KCTD1: variants seen among roughly 807,000 people sequenced by gnomAD.
The protein encoded by KCTD1 is potassium channel tetramerization domain containing 1.
Under a neutral mutation model 66.0 loss-of-function variants are expected in KCTD1, and 24 were observed. The ratio of observed to expected loss-of-function variants is 0.36; its 90% confidence interval spans 0.26 to 0.51. The LOEUF (loss-of-function observed/expected upper bound fraction) is 0.51. Among genes scored for constraint, KCTD1 ranks in the 20% least tolerant of loss-of-function variants. KCTD1 has a pLI of 0.95. For missense variants in KCTD1, 943 were observed against 1,205.2 expected, an observed-to-expected ratio of 0.78 and a Z score of 3.22; for synonymous variants, 511 against 517.2, an observed-to-expected ratio of 0.99 and a Z score of 0.16.
intron 1 of KCTD1, among the ~76,000 whole-genome samples, chr18:26,539,172 G>A (rs72887315): frequency 2.6e-5 from 4 of 152,314 alleles, no homozygotes; most frequent in Non-Finnish European, 4.4e-5. Context: ...AATCTGACAG[G>A]CTGGGTTCAA....
At chr18:26,550,014 G>A (rs1178802475), upstream of KCTD1, among the ~76,000 whole-genome samples, 1 of 151,956 alleles carries the variant, frequency 6.6e-6, no homozygotes, top group Non-Finnish European at 1.5e-5. This position sits in a 1 kb window ranked among gnomAD's most constrained non-coding sequence, Gnocchi z 5.4. Context: ...GCCACTCTCG[G>A]AGCTCGTGCT....
intron 1 of KCTD1, among the ~76,000 whole-genome samples, chr18:26,592,597 C>T (rs1986633912): frequency 6.6e-6 from 1 of 152,210 alleles, no homozygotes; most frequent in Non-Finnish European, 1.5e-5. Flanking sequence ...AACATGAGCC[C>T]TATATGTTCT....
chr18:26,522,588 A>G (rs1033595479), intron 1 of KCTD1, among the ~76,000 whole-genome samples: 1 of 152,168 alleles, frequency 6.6e-6, no homozygotes, highest in African/African-American at 2.4e-5. Context: ...CTCCAGCTAC[A>G]TAGGATTAGA....
intron 1 of KCTD1, among the ~76,000 whole-genome samples, chr18:26,594,641 C>T (rs9966175): frequency 0.04 from 6,094 of 151,566 alleles, 250 homozygotes; most frequent in African/African-American, 0.11. Context: ...TGATGGCTAA[C>T]TTTATGTCAA....
intron 2 of KCTD1, among the ~76,000 whole-genome samples, chr18:26,490,804 G>A (rs1355620873): frequency 6.6e-6 from 1 of 152,078 alleles, no homozygotes; most frequent in Non-Finnish European, 1.5e-5. Context: ...AGGGTCTGAA[G>A]TACAGTAGTG....
intron 1 of KCTD1, among the ~76,000 whole-genome samples, chr18:26,648,940 T>C (rs1987978083): frequency 6.6e-6 from 1 of 152,186 alleles, no homozygotes; most frequent in African/African-American, 2.4e-5. Context: ...TGAAAAACAG[T>C]CTGGCACTTA....
chr18:26,654,304 G>A lies in KCTD1; in HGVS notation c.9+3056C>T, dbSNP rs8089102. On this transcript the variant is annotated intron_variant, in intron 1 of 4. Coordinates refer to the KCTD1 transcript ENST00000580191. ...TTATTCAACGCAAATCGAATAATAC[G>A]CTTTCATCATCATCTAGTTGAAGTC... Among the ~76,000 whole-genome samples, 1,352 of 152,082 alleles carry A rather than the reference G, an allele frequency of 8.9e-3. 19 individuals are homozygous for A. The highest frequency in any genetic ancestry group is 0.031 in the African/African-American group (1,265 of 41,468).
At chr18:26,650,086 A>G (rs1244003480) in intron 1 of KCTD1, among the ~76,000 whole-genome samples, 1 of 152,180 alleles carries the variant, frequency 6.6e-6, no homozygotes, top group Non-Finnish European at 1.5e-5. Flanking sequence ...CACATGAGTA[A>G]TCAAAAGGCA....
intron 1 of KCTD1, among the ~76,000 whole-genome samples, chr18:26,514,549 CAAAA>C (rs200444964): frequency 1.2e-3 from 149 of 121,820 alleles, no homozygotes; most frequent in East Asian, 0.01. Context: ...GACCTTGTCT[CAAAA>C]AAAAAAAAAA....
chr18:26,496,184 G>T (rs1416943543), intron 2 of KCTD1, among the ~76,000 whole-genome samples: 1 of 152,166 alleles, frequency 6.6e-6, no homozygotes, highest in East Asian at 1.9e-4. Flanking sequence ...AATCAGGTCT[G>T]CCCTTAAAAT....
At chr18:26,611,462 T>A (rs1987136559) in intron 1 of KCTD1, among the ~76,000 whole-genome samples, 1 of 152,156 alleles carries the variant, frequency 6.6e-6, no homozygotes, top group Non-Finnish European at 1.5e-5. Context: ...GTGATTCTCC[T>A]GTCTCAACCA....
chr18:26,657,417 C>A (rs1027831842), upstream of KCTD1: 13 of 985,182 alleles, frequency 1.3e-5, no homozygotes, highest in Admixed American at 1.2e-4. Context: ...TCCTCTCCCC[C>A]CTTTTCCGAT....
chr18:26,603,750 T>A (rs2469418), intron 1 of KCTD1, among the ~76,000 whole-genome samples: 1 of 95,390 alleles, frequency 1.0e-5, no homozygotes. Flanking sequence ...CTCAAAAAAA[T>A]AAAATAAATA....
At position 26,548,465 on chromosome 18, in the gene KCTD1, G is replaced by T; in HGVS notation, c.72C>A (p.Ala24=). Residue 24 remains alanine (A), a synonymous_variant, in exon 1 of 5, where the codon GCC becomes GCA. Coordinates refer to ENST00000580059, the MANE Select transcript of KCTD1 (RefSeq NM_001142730.3). Reference sequence around the variant, plus strand: ...CGCCCCGCTCCCCATTGTTCTCGGCGGCGGCGGCGGCAGCGCTGGCGCTGC... The same window carrying T: ...CGCCCCGCTCCCCATTGTTCTCGGCTGCGGCGGCGGCAGCGCTGGCGCTGC... ...AGGSASAAAA[A]AENNGERGEG... is the part of the protein sequence containing the mutation. The T allele has an allele frequency of 7.9e-7, 1 of 1,262,042 alleles. No homozygotes were observed. The allele number at this position is 1,262,042 out of a possible 1,614,324, so 78.2% of individuals were successfully genotyped here. A position where few individuals can be genotyped will look rare whatever the true frequency, so the allele number is the denominator to read the frequency against.
chr18:26,587,365 C>T (rs1986493882), intron 1 of KCTD1, among the ~76,000 whole-genome samples: 2 of 152,322 alleles, frequency 1.3e-5, no homozygotes, highest in Middle Eastern at 3.4e-3. Flanking sequence ...CAAAATATTA[C>T]TGCTCATTGA....
chr18:26,532,488 T>A (rs1315176520), intron 1 of KCTD1, among the ~76,000 whole-genome samples: 1 of 152,072 alleles, frequency 6.6e-6, no homozygotes, highest in African/African-American at 2.4e-5. Flanking sequence ...GGTCTCAAAC[T>A]CGTGGCCTCA....
At chr18:26,546,405 T>C (rs1008853585) in intron 1 of KCTD1, among the ~76,000 whole-genome samples, 36 of 152,236 alleles carry the variant, frequency 2.4e-4, no homozygotes, top group African/African-American at 8.4e-4. Context: ...CTCGCAGTCT[T>C]TGCCTTATAA....
intron 1 of KCTD1, among the ~76,000 whole-genome samples, chr18:26,624,717 G>A (rs956650578): frequency 5.3e-5 from 8 of 152,242 alleles, no homozygotes; most frequent in Non-Finnish European, 8.8e-5. Flanking sequence ...GAGCCCCTAC[G>A]AGGAGTGCCC....
intron 1 of KCTD1, among the ~76,000 whole-genome samples, chr18:26,602,817 T>C (rs1000611514): frequency 1.3e-5 from 2 of 152,194 alleles, no homozygotes; most frequent in Admixed American, 6.6e-5. Context: ...ATAACAAATA[T>C]CCTAAAGAAC....
Sources: gnomAD v4.1 joint callset for allele counts (sites outside exome capture counted in the v4.1 genomes callset) on GRCh38, gnomAD v4.1.1 for gene constraint, Gnocchi (gnomAD v3.1) non-coding constraint, MANE v1.5 for transcripts, NCBI Gene and HGNC (gene_info 2026-07-23, HGNC 2026-07-21) for gene names.